The following NEK11 variants were observed in gnomAD, a reference collection of about 807,000 sequenced individuals.
NEK11 encodes the protein serine/threonine-protein kinase Nek11.
A neutral mutation model predicts 80.7 loss-of-function variants in NEK11; 72 were observed. The ratio of observed to expected loss-of-function variants is 0.89; its 90% CI spans 0.74 to 1.08. The LOEUF (loss-of-function observed/expected upper bound fraction) is 1.08, where lower values mean the gene tolerates loss of function less well. Among genes scored for constraint, NEK11 ranks in the 50% least tolerant of loss-of-function variants. The pLI, the probability that NEK11 is intolerant of heterozygous loss-of-function variation, is 0.00. For synonymous variants in NEK11, 251 were observed against 260.7 expected (o/e 0.96, Z 0.36); for missense variants, 764 against 763.6 (o/e 1.00, Z -0.01).
At chr3:131,051,463 G>T (rs1022860063) in intron 3 of NEK11, among the ~76,000 whole-genome samples, 1 of 152,156 alleles carries the variant, frequency 6.6e-6, no homozygotes, top group Non-Finnish European at 1.5e-5. Flanking sequence ...TGTCAAACAA[G>T]TACTTTTTAG....
chr3:131,109,658 G>C, intron 4 of NEK11, 145 bp from the exon 5 acceptor site: 1 of 838,186 alleles, frequency 1.2e-6, no homozygotes, highest in South Asian at 2.0e-5. Context: ...GATAGACTTT[G>C]ATTAAAGAGA....
chr3:131,340,803 G>A (rs1261910689), intron 17 of NEK11, among the ~76,000 whole-genome samples: 1 of 152,052 alleles, frequency 6.6e-6, no homozygotes, highest in Non-Finnish European at 1.5e-5. Context: ...TCAATCTTGG[G>A]CAAAACAACC....
intron 16 of NEK11, among the ~76,000 whole-genome samples, chr3:131,254,119 T>G (rs1422736666): frequency 6.6e-6 from 1 of 152,140 alleles, no homozygotes; most frequent in African/African-American, 2.4e-5. Flanking sequence ...GAAATTTAAA[T>G]TTTTCATAAG....
intron 14 of NEK11, among the ~76,000 whole-genome samples, chr3:131,207,359 G>A (rs2094472234): frequency 6.6e-6 from 1 of 152,144 alleles, no homozygotes; most frequent in African/African-American, 2.4e-5. Context: ...TGAGGCGGGT[G>A]GATCACGAGG....
At chr3:131,041,976 A>G (rs990956433) in intron 3 of NEK11, among the ~76,000 whole-genome samples, 1 of 152,070 alleles carries the variant, frequency 6.6e-6, no homozygotes, top group African/African-American at 2.4e-5. Flanking sequence ...GTGGGGCGTC[A>G]CCTCACCCCG....
chr3:131,053,706 G>C (rs1168260064), intron 3 of NEK11: 1 of 152,188 alleles, frequency 6.6e-6, no homozygotes, highest in East Asian at 1.9e-4. Flanking sequence ...AATGCCAATA[G>C]CTCTATTAGA....
At chr3:131,150,979 T>C (rs1253575441) in intron 7 of NEK11, among the ~76,000 whole-genome samples, 1 of 152,044 alleles carries the variant, frequency 6.6e-6, no homozygotes, top group Non-Finnish European at 1.5e-5. Flanking sequence ...CAGATGCCAT[T>C]TAATAGTCTT....
At chr3:131,126,030 C>T (rs1317137919) in intron 5 of NEK11, among the ~76,000 whole-genome samples, 1 of 152,162 alleles carries the variant, frequency 6.6e-6, no homozygotes. Context: ...CCATTTCTGA[C>T]CTAAGGCTCA....
At chr3:131,216,916 G>A (rs944210753) in intron 14 of NEK11, among the ~76,000 whole-genome samples, 4 of 152,180 alleles carry the variant, frequency 2.6e-5, no homozygotes, top group African/African-American at 4.8e-5. Context: ...CAGCCATTTG[G>A]CATGTGGAGT....
At chr3:131,217,640 C>T (rs185766817) in intron 14 of NEK11, among the ~76,000 whole-genome samples, 27 of 152,196 alleles carry the variant, frequency 1.8e-4, no homozygotes, top group Middle Eastern at 3.4e-3. Flanking sequence ...AGCACATGAT[C>T]GGCCACCATC....
chr3:131,246,723 C>T (rs1298209250), intron 16 of NEK11, among the ~76,000 whole-genome samples: 1 of 152,050 alleles, frequency 6.6e-6, no homozygotes, highest in Non-Finnish European at 1.5e-5. Context: ...AATTTACATT[C>T]CCATCAACAG....
intron 14 of NEK11, among the ~76,000 whole-genome samples, chr3:131,218,230 G>A (rs966347368): frequency 1.3e-5 from 2 of 152,178 alleles, no homozygotes; most frequent in African/African-American, 4.8e-5. Flanking sequence ...GGTATCTGGT[G>A]CATGTATCTT....
At chr3:131,087,351 C>A (rs890786527) in intron 4 of NEK11, among the ~76,000 whole-genome samples, 1 of 144,400 alleles carries the variant, frequency 6.9e-6, no homozygotes, top group Non-Finnish European at 1.5e-5. Flanking sequence ...TCAAGCAATT[C>A]TCCTGCCTCA....
chr3:131,194,691 A>G (rs1579943425), intron 14 of NEK11, among the ~76,000 whole-genome samples: 1 of 152,144 alleles, frequency 6.6e-6, no homozygotes, highest in African/African-American at 2.4e-5. Context: ...ATTAGGAGAA[A>G]CTACAACATT....
At chr3:131,171,665 C>A (rs943933665) in intron 14 of NEK11, among the ~76,000 whole-genome samples, 2 of 152,222 alleles carry the variant, frequency 1.3e-5, no homozygotes, top group African/African-American at 4.8e-5. Context: ...GCAAATGAGA[C>A]GTGGCATGTG....
At chr3:131,142,754 C>T (rs2087231117) in intron 7 of NEK11, among the ~76,000 whole-genome samples, 1 of 152,280 alleles carries the variant, frequency 6.6e-6, no homozygotes, top group Middle Eastern at 3.4e-3. Context: ...TCTTCTGCCA[C>T]CCTGTGGTCT....
At chr3:131,273,973 T>C (rs901066371) in intron 17 of NEK11, among the ~76,000 whole-genome samples, 3 of 152,046 alleles carry the variant, frequency 2.0e-5, no homozygotes, top group Non-Finnish European at 4.4e-5. Context: ...TTATTATTAT[T>C]ATACTTTAAG....
At chr3:131,202,678 T>G (rs997080645) in intron 14 of NEK11, among the ~76,000 whole-genome samples, 1 of 152,120 alleles carries the variant, frequency 6.6e-6, no homozygotes, top group Non-Finnish European at 1.5e-5. Context: ...AATCTACCCA[T>G]CTGACAAAGG....
At chr3:131,222,182 C>T (rs1033765936) in intron 14 of NEK11, among the ~76,000 whole-genome samples, 2 of 152,122 alleles carry the variant, frequency 1.3e-5, no homozygotes, top group Admixed American at 6.5e-5. Context: ...TCTAACTAAC[C>T]ATAAATAGAC....
Sources: gnomAD v4.1 joint callset for allele counts (sites outside exome capture counted in the v4.1 genomes callset) on GRCh38, gnomAD v4.1.1 for gene constraint, MANE v1.5 for transcripts, NCBI Gene and HGNC (gene_info 2026-07-23, HGNC 2026-07-21) for gene names.